Variants in NELL1 observed in about 807,000 individuals in gnomAD.
The protein encoded by NELL1 is neural EGFL like 1.
Under a neutral mutation model 107.4 loss-of-function variants are expected in NELL1, and 76 were observed. That is an observed-to-expected ratio of 0.71 (90% CI 0.59 to 0.86). The LOEUF is 0.86. NELL1 is among the 40% of genes least tolerant of loss of function. The pLI is 0.00. For synonymous variants in NELL1, 353 were observed against 341.2 expected (o/e 1.03, Z -0.38); for missense variants, 1,024 against 1,005.5 (o/e 1.02, Z -0.25).
chr11:21,020,482 C>T (rs1455674817), intron 12 of NELL1, among the ~76,000 whole-genome samples: 3 of 152,022 alleles, frequency 2.0e-5, no homozygotes, highest in Non-Finnish European at 4.4e-5. Flanking sequence ...CTGAAGCCAT[C>T]TGAGAAGAAA....
chr11:20,802,382 G>T (rs147425797), intron 3 of NELL1, among the ~76,000 whole-genome samples: 1 of 148,142 alleles, frequency 6.8e-6, no homozygotes, highest in East Asian at 2.0e-4. Flanking sequence ...TTTTCAGATC[G>T]TTCATTGTTG....
intron 14 of NELL1, among the ~76,000 whole-genome samples, chr11:21,269,353 C>A (rs1204832791): frequency 7.8e-6 from 1 of 128,940 alleles, no homozygotes; most frequent in Non-Finnish European, 1.5e-5. Context: ...CCAAATCCCT[C>A]TCTCTCTCTC....
At chr11:21,209,800 C>CTAT (rs1242409346) in intron 13 of NELL1, among the ~76,000 whole-genome samples, 1 of 152,076 alleles carries the variant, frequency 6.6e-6, no homozygotes, top group East Asian at 1.9e-4. Context: ...AGAAGCGAAG[C>CTAT]TATTTGTTTT....
At chr11:20,698,132 A>T (rs1854672652) in intron 2 of NELL1, among the ~76,000 whole-genome samples, 1 of 152,196 alleles carries the variant, frequency 6.6e-6, no homozygotes, top group South Asian at 2.1e-4. Context: ...TAGCCGAGTG[A>T]TTCAATTCAC....
chr11:21,415,668 CT>C (rs1056930184), intron 15 of NELL1, among the ~76,000 whole-genome samples: 2 of 151,980 alleles, frequency 1.3e-5, no homozygotes, highest in African/African-American at 4.8e-5. Flanking sequence ...AGTACCCAGG[CT>C]GGGGTTTTTA....
At chr11:20,876,469 C>T (rs936903202) in intron 4 of NELL1, among the ~76,000 whole-genome samples, 9 of 152,122 alleles carry the variant, frequency 5.9e-5, no homozygotes, top group Admixed American at 1.3e-4. Flanking sequence ...ATATGGAATT[C>T]AACAGATAGT....
At chr11:21,135,120 C>T (rs1370685385) in intron 13 of NELL1, among the ~76,000 whole-genome samples, 2 of 152,162 alleles carry the variant, frequency 1.3e-5, no homozygotes, top group African/African-American at 4.8e-5. Flanking sequence ...GAAAAGCACG[C>T]TATCACCTTT....
At chr11:21,292,372 G>A (rs557806181) in intron 14 of NELL1, among the ~76,000 whole-genome samples, 1 of 152,156 alleles carries the variant, frequency 6.6e-6, no homozygotes, top group South Asian at 2.1e-4. Context: ...AACTTATGAG[G>A]GATGTGAAGG....
At chr11:21,404,012 C>A (rs1177303202) in intron 15 of NELL1, among the ~76,000 whole-genome samples, 2 of 112,088 alleles carry the variant, frequency 1.8e-5, no homozygotes, top group Admixed American at 9.2e-5. Context: ...TGAACCCCCC[C>A]CCCCGCAATC....
intron 15 of NELL1, among the ~76,000 whole-genome samples, chr11:21,406,415 CAGA>C (rs5790184): frequency 0.68 from 103,761 of 151,488 alleles, 35,736 homozygotes; most frequent in African/African-American, 0.73. Context: ...TAATAATTAC[CAGA>C]AGAAGTAGAT....
rs115620033 is a variant in NELL1 at position 20,938,682 on chromosome 11, C to T, written c.1071+823C>T. 5.7e-3 allele frequency among the ~76,000 whole-genome samples: 867 copies of T among 152,008 alleles called. 9 individuals carry two copies. Among genetic ancestry groups the T allele is most frequent in the African/African-American group, 0.02 (810 of 41,422 alleles). On this transcript the variant is annotated intron_variant, in intron 10 of 19. Coordinates refer to ENST00000357134, the MANE Select transcript of NELL1 (RefSeq NM_006157.5). Reference sequence around the variant, plus strand: ...TCCTAGGTAGATGAGGGAGAAGGCACGTTCCAAACAGAAGGAATTGCACTT... The same window carrying T: ...TCCTAGGTAGATGAGGGAGAAGGCATGTTCCAAACAGAAGGAATTGCACTT...
chr11:21,117,525 C>A (rs1855266186), intron 13 of NELL1, among the ~76,000 whole-genome samples: 1 of 151,850 alleles, frequency 6.6e-6, no homozygotes, highest in South Asian at 2.1e-4. Flanking sequence ...TCTGTCGTAC[C>A]CACAGGTTAT....
At chr11:21,387,913 T>TA (rs34770238) in intron 15 of NELL1, among the ~76,000 whole-genome samples, 11,754 of 151,790 alleles carry the variant, frequency 0.077, 722 homozygotes, top group African/African-American at 0.15. Flanking sequence ...ATTATCTTTT[T>TA]AAAAAATCTC....
At chr11:21,113,767 T>A (rs1855162722) in intron 13 of NELL1, 53 bp downstream of exon 13, 1 of 1,579,942 alleles carries the variant, frequency 6.3e-7, no homozygotes, top group Non-Finnish European at 8.6e-7. Flanking sequence ...CTCTGCACCA[T>A]GTCTGTGTTA....
chr11:20,714,036 T>C lies in NELL1; in HGVS notation c.184+35976T>C, dbSNP rs918684767. On this transcript the variant is annotated intron_variant, in intron 2 of 19. Transcript: ENST00000357134. Reference sequence around the variant, plus strand: ...TCTGTCTCCCAGAGTTTGCTTCGTGTGCCACTTCTTTCAAAGGATCAATGC... The same window carrying C: ...TCTGTCTCCCAGAGTTTGCTTCGTGCGCCACTTCTTTCAAAGGATCAATGC... Among the ~76,000 whole-genome samples, 13 of 152,178 alleles carry C rather than the reference T, an allele frequency of 8.5e-5. No individual in the cohort carries two copies. In the East Asian group the frequency reaches 2.1e-3, roughly 25 times the overall value.
At chr11:21,373,784 C>T (rs947399278) in intron 15 of NELL1, among the ~76,000 whole-genome samples, 8 of 152,068 alleles carry the variant, frequency 5.3e-5, no homozygotes, top group Non-Finnish European at 8.8e-5. Flanking sequence ...TTCTAAACAA[C>T]GTATAATTCT....
In NELL1 at chr11:21,165,817, C is replaced by T. The variant is rs148129646; in HGVS notation, c.1426+52103C>T. Reference sequence around the variant, plus strand: ...TCACTCTGTCACCCAGGCTGGAATGCAATGGCATGATCTTGGGTCACTGCA... The same window carrying T: ...TCACTCTGTCACCCAGGCTGGAATGTAATGGCATGATCTTGGGTCACTGCA... On this transcript the variant is annotated intron_variant, in intron 13 of 19. Coordinates refer to ENST00000357134, the MANE Select transcript of NELL1 (RefSeq NM_006157.5). Among the ~76,000 whole-genome samples the T allele has an allele frequency of 8.6e-3, 1,171 of 136,314 alleles. 47 individuals are homozygous for T. The South Asian group carries it at 0.11, about 13-fold the overall frequency. 89.4% of individuals were successfully genotyped at this position (136,314 alleles called of 152,430 possible). A position where few individuals can be genotyped will look rare whatever the true frequency, so the allele number is the denominator to read the frequency against.
chr11:20,957,677 A>G (rs907336228), intron 11 of NELL1, among the ~76,000 whole-genome samples: 5 of 152,138 alleles, frequency 3.3e-5, no homozygotes, highest in African/African-American at 1.2e-4. Context: ...AAAATGAAAG[A>G]ATAAGAGACT....
At chr11:20,728,979 C>T (rs1855569470) in intron 2 of NELL1, among the ~76,000 whole-genome samples, 1 of 152,054 alleles carries the variant, frequency 6.6e-6, no homozygotes, top group Admixed American at 6.6e-5. Flanking sequence ...TCTATGATTT[C>T]CTTTAACTGT....
Sources: allele counts gnomAD v4.1 joint callset (sites outside exome capture counted in the v4.1 genomes callset), GRCh38; gene constraint gnomAD v4.1.1; transcripts MANE v1.5; gene names NCBI Gene and HGNC (gene_info 2026-07-23, HGNC 2026-07-21).